Variants in DNAH2 observed in about 807,000 individuals in gnomAD.
DNAH2 encodes the protein axonemal beta dynein heavy chain 2.
DNAH2 carries 323 observed loss-of-function variants against 523.5 expected under a neutral mutation model. That is an observed-to-expected ratio of 0.62 (90% CI 0.56 to 0.68). The LOEUF (loss-of-function observed/expected upper bound fraction) is 0.68. Among genes scored for constraint, DNAH2 ranks in the 30% least tolerant of loss-of-function variants. The pLI is 0.00. For missense variants in DNAH2, 4,907 were observed against 5,701.5 expected, an observed-to-expected ratio of 0.86 and a Z score of 4.49; for synonymous variants, 2,093 against 2,177.4, an observed-to-expected ratio of 0.96 and a Z score of 1.08.
Position 7,778,293 on chromosome 17 carries a change from C to T in DNAH2, c.5365C>T (p.Leu1789=), listed in dbSNP as rs2151240663. The change falls in exon 35 of 86, where the codon CTG becomes TTG. Residue 1789 remains leucine, a synonymous_variant. Transcript: ENST00000572933. ...CTCAATTCTCAGGTGTTACATGACACTGACCACGGCATTGCACCTGCACCG... is the reference window on the plus strand; with the variant it reads ...CTCAATTCTCAGGTGTTACATGACATTGACCACGGCATTGCACCTGCACCG... ...TPLTDRCYMT[L]TTALHLHRGG... 4 of 1,614,184 alleles carry T rather than the reference C, an allele frequency of 2.5e-6. No individual in the cohort carries two copies. The highest frequency in any genetic ancestry group is 3.4e-6 in the Non-Finnish European group (4 of 1,180,012).
intron 3 of DNAH2, 71 bp from the exon 4 acceptor site, chr17:7,727,051 T>C (rs2074835936): frequency 1.4e-6 from 2 of 1,455,274 alleles, no homozygotes; most frequent in Non-Finnish European, 1.8e-6. Flanking sequence ...TCCTCACTTG[T>C]GATTGTGGAT....
chr17:7,804,387 T>C lies in DNAH2; in HGVS notation c.9104T>C (p.Val3035Ala). 6.2e-7 allele frequency: 1 copy of C among 1,614,050 alleles called. No homozygotes were observed. Among genetic ancestry groups the C allele is most frequent in the Non-Finnish European group, 8.5e-7 (1 of 1,179,990 alleles). The stretch of plus-strand genomic sequence containing the variant: ...GAGCTGGAGGATGCCAAGAAGAAGG[T>C]GGCTGAGTTCCAGAAGCAGTGTGAG... ...SLELEDAKKKVAEFQKQCEEY... is the reference protein window; with the variant it reads ...SLELEDAKKKAAEFQKQCEEY... Residue 3035 changes from valine (V) to alanine (A), a missense_variant, in exon 59 of 86, where the codon GTG becomes GCG. By Grantham distance (64) the Val-to-Ala change is moderately conservative. Coordinates refer to ENST00000572933, the MANE Select transcript of DNAH2 (RefSeq NM_020877.5).
At position 7,754,008 on chromosome 17, in the gene DNAH2, C is replaced by G. The variant is rs1341142135; in HGVS notation, c.1905-3083C>G. 6.6e-6 allele frequency among the ~76,000 whole-genome samples: 1 copy of G among 151,828 alleles called. No individual in the cohort carries two copies. The highest frequency in any genetic ancestry group is 1.9e-4 in the East Asian group (1 of 5,160). On this transcript the variant is annotated intron_variant, in intron 12 of 85. Transcript: ENST00000572933. The surrounding 1 kb of genome is among the most constrained non-coding windows in gnomAD (Gnocchi z 4.6). ...AAGGAGGATAAGGCCTGGGAAGCAT[C>G]CATGGGGTGGAGTGCTAGGGGATGC... is the stretch of plus-strand genomic sequence containing the variant.
intron 44 of DNAH2, among the ~76,000 whole-genome samples, chr17:7,790,823 C>T (rs1029855139): frequency 6.6e-6 from 1 of 152,108 alleles, no homozygotes; most frequent in African/African-American, 2.4e-5. Flanking sequence ...CCTCCCACCT[C>T]AGTCTCCTGA....
rs781255734 is a variant in DNAH2 at position 7,770,834 on chromosome 17, C to T, written c.4263C>T (p.Ala1421=). The T allele has an allele frequency of 1.2e-5, 19 of 1,614,194 alleles. No homozygotes were observed. The Admixed American group carries it at 3.2e-4, about 27-fold the overall frequency. The change falls in exon 27 of 86, where the codon GCC becomes GCT. Residue 1421 remains alanine, a synonymous_variant. Transcript: ENST00000572933. ...STMKASRFVK[A]FEKDVDHWER... is the part of the protein sequence containing the mutation. ...TGAAGGCATCACGCTTTGTCAAGGCCTTTGAGAAGGATGTGGACCACTGGG... is the reference window on the plus strand; with the variant it reads ...TGAAGGCATCACGCTTTGTCAAGGCTTTTGAGAAGGATGTGGACCACTGGG...
At chr17:7,792,636 C>A (rs770609083) in intron 46 of DNAH2, 21 bp from the exon 47 acceptor site, 2 of 1,604,376 alleles carry the variant, frequency 1.2e-6, no homozygotes. Context: ...TCCTTGAGAG[C>A]CGGCCCCTGC....
chr17:7,780,194 A>G lies in DNAH2; in HGVS notation c.5760A>G (p.Lys1920=). The G allele has an allele frequency of 6.2e-7, 1 of 1,614,070 alleles. No individual in the cohort carries two copies. Among genetic ancestry groups the G allele is most frequent in the Non-Finnish European group, 8.5e-7 (1 of 1,179,988 alleles). ...GCACAGAGCTTCCCGAAAATCTTAA[A>G]TCCATGTTCCGCCCAATTGCCATGG... ...AGRTELPENL[K]SMFRPIAMVV... Residue 1920 remains lysine (K), a synonymous_variant, in exon 37 of 86, where the codon AAA becomes AAG. Coordinates refer to ENST00000572933, the MANE Select transcript of DNAH2 (RefSeq NM_020877.5). The surrounding 1 kb of genome is among the most constrained non-coding windows in gnomAD (Gnocchi z 4.4).
rs755913006 is a variant in DNAH2 at position 7,833,618 on chromosome 17, CCTCA to C, written c.*90_*93del. 1.3e-6 allele frequency: 2 copies of C among 1,579,548 alleles called. No homozygotes were observed. The highest frequency in any genetic ancestry group is 1.7e-5 in the Admixed American group (1 of 57,926). Reference sequence around the variant, plus strand: ...TGTTGCACCTAGGACTGAGGCCGGACCTCACTCAGACTTTGACCTTGGCCGAATT... The same window carrying C: ...TGTTGCACCTAGGACTGAGGCCGGACCTCAGACTTTGACCTTGGCCGAATT... On this transcript the variant is annotated 3_prime_UTR_variant, in exon 86 of 86. Coordinates refer to ENST00000572933, the MANE Select transcript of DNAH2 (RefSeq NM_020877.5).
At chr17:7,826,669 G>C (rs2078030293) in intron 77 of DNAH2, among the ~76,000 whole-genome samples, 1 of 151,124 alleles carries the variant, frequency 6.6e-6, no homozygotes, top group African/African-American at 2.4e-5. Flanking sequence ...CCTCCGAGTA[G>C]CTGGGATTAC....
At position 7,804,376 on chromosome 17, in the gene DNAH2, C is replaced by T; in HGVS notation, c.9093C>T (p.Ala3031=). 6.2e-7 allele frequency: 1 copy of T among 1,614,112 alleles called. No homozygotes were observed. The highest frequency in any genetic ancestry group is 8.5e-7 in the Non-Finnish European group (1 of 1,180,022). The stretch of plus-strand genomic sequence containing the variant: ...TGATGTCGTTGGAGCTGGAGGATGC[C>T]AAGAAGAAGGTGGCTGAGTTCCAGA... ...VQVMSLELED[A]KKKVAEFQKQ... The change falls in exon 59 of 86, where the codon GCC becomes GCT. Residue 3031 remains alanine, a synonymous_variant. Transcript: ENST00000572933.
chr17:7,823,734 TC>T, intron 74 of DNAH2, 99 bp from the exon 75 acceptor site: 2 of 1,578,614 alleles, frequency 1.3e-6, no homozygotes, highest in Non-Finnish European at 1.7e-6. Context: ...GGTGCCTGCC[TC>T]CTGGCCCGGA....
chr17:7,824,930 C>T (rs927233148), intron 77 of DNAH2, among the ~76,000 whole-genome samples: 4 of 152,184 alleles, frequency 2.6e-5, no homozygotes, highest in Non-Finnish European at 4.4e-5. Context: ...ATGTGCCACG[C>T]ACTGTTCTAA....
In DNAH2 at chr17:7,722,964, C is replaced by CTT. The variant is rs559136734; in HGVS notation, c.167-643_167-642dup. Reference sequence around the variant, plus strand: ...TCTTTTCTTTCTTTTCTTTTCTTTCCTTTTTTTTTTTTTTTTTTTTTTGAG... The same window carrying CTT: ...TCTTTTCTTTCTTTTCTTTTCTTTCCTTTTTTTTTTTTTTTTTTTTTTTTGAG... On this transcript the variant is annotated intron_variant, in intron 2 of 85. Transcript: ENST00000572933. Among the ~76,000 whole-genome samples, 523 of 114,660 alleles carry CTT rather than the reference C, an allele frequency of 4.6e-3. 1 individual carries two copies. The highest frequency in any genetic ancestry group is 6.6e-3 in the Non-Finnish European group (379 of 57,480). 75.2% of individuals were successfully genotyped at this position (114,660 alleles called of 152,430 possible). A position where few individuals can be genotyped will look rare whatever the true frequency, so the allele number is the denominator to read the frequency against.
At chr17:7,784,400 A>G (rs2076680809) in intron 39 of DNAH2, among the ~76,000 whole-genome samples, 1 of 152,198 alleles carries the variant, frequency 6.6e-6, no homozygotes, top group Admixed American at 6.5e-5. Context: ...AGAATCGGCC[A>G]GGCATGTTGG....
At chr17:7,740,637 T>A in intron 10 of DNAH2, 88 bp downstream of exon 10, 1 of 1,572,506 alleles carries the variant, frequency 6.4e-7, no homozygotes, top group Non-Finnish European at 8.6e-7. Context: ...CCTCCACGTG[T>A]GCCCTTCTCC....
chr17:7,808,862 A>C (rs964447052), intron 63 of DNAH2, among the ~76,000 whole-genome samples: 6 of 152,200 alleles, frequency 3.9e-5, no homozygotes, highest in Non-Finnish European at 7.4e-5. Flanking sequence ...TGCCAGCCTC[A>C]GCCTCTCAAA....
At position 7,742,949 on chromosome 17, in the gene DNAH2, C is replaced by T. The variant is rs1377862791; in HGVS notation, c.1711C>T (p.Leu571=). 6.8e-7 allele frequency: 1 copy of T among 1,468,428 alleles called. No homozygotes were observed. The highest frequency in any genetic ancestry group is 2.4e-5 in the East Asian group (1 of 40,820). 91.0% of individuals were successfully genotyped at this position (1,468,428 alleles called of 1,614,324 possible). ...VMTCLAGAHF[L]PRIGTGKESV... is the part of the protein sequence containing the mutation. ...TCAGTGCCTTGCTGGTGCTCATTTC[C>T]TGCCCCGTATTGGGACTGGAAAGGA... Residue 571 remains leucine, a synonymous_variant, in exon 12 of 86, where the codon CTG becomes TTG. Transcript: ENST00000572933.
At chr17:7,738,076 C>T (rs753514293) in intron 8 of DNAH2, 21 of 703,444 alleles carry the variant, frequency 3.0e-5, no homozygotes, top group South Asian at 1.6e-4. Flanking sequence ...TCTGTTGTCA[C>T]GCTTGGAAAG....
intron 20 of DNAH2, 125 bp downstream of exon 20, chr17:7,764,398 C>A: frequency 8.5e-7 from 1 of 1,178,442 alleles, no homozygotes; most frequent in Non-Finnish European, 1.2e-6. Flanking sequence ...ATTTGAAAGC[C>A]AAAGCTAGCT....
Sources: gnomAD v4.1 joint callset for allele counts (sites outside exome capture counted in the v4.1 genomes callset) on GRCh38, gnomAD v4.1.1 for gene constraint, Gnocchi (gnomAD v3.1) non-coding constraint, MANE v1.5 for transcripts, NCBI Gene and HGNC (gene_info 2026-07-23, HGNC 2026-07-21) for gene names.